UBE2F: variants seen among roughly 807,000 people sequenced by gnomAD.
The protein encoded by UBE2F is NEDD8-conjugating enzyme UBE2F.
Under a neutral mutation model 29.6 loss-of-function variants are expected in UBE2F, and 5 were observed. The observed-to-expected ratio is 0.17, with a 90% CI of 0.09 to 0.36. UBE2F has a LOEUF of 0.36. Ranked by LOEUF, UBE2F falls within the 10% of genes least tolerant of loss-of-function variation. UBE2F has a pLI of 1.00. For synonymous variants in UBE2F, 66 were observed against 81.8 expected, an observed-to-expected ratio of 0.81 and a Z score of 1.04; for missense variants, 141 against 228.5, an observed-to-expected ratio of 0.62 and a Z score of 2.47.
rs114578725 is a variant in UBE2F at position 237,996,438 on chromosome 2, A to C, written c.214+1629A>C. 1.8e-3 allele frequency among the ~76,000 whole-genome samples: 277 copies of C among 150,208 alleles called. 2 individuals are homozygous for C. Among genetic ancestry groups the C allele is most frequent in the African/African-American group, 6.4e-3 (261 of 40,894 alleles). Reference sequence around the variant, plus strand: ...ACTGTCATGTGATTGGGTTTCTGGCAAGTCTGGATAAATGTTTCTTCCCCG... The same window carrying C: ...ACTGTCATGTGATTGGGTTTCTGGCCAGTCTGGATAAATGTTTCTTCCCCG... On this transcript the variant is annotated intron_variant, in intron 4 of 9. Transcript: ENST00000272930.
At chr2:237,985,015 T>C (rs976252631) in intron 2 of UBE2F, among the ~76,000 whole-genome samples, 6 of 126,170 alleles carry the variant, frequency 4.8e-5, no homozygotes, top group Non-Finnish European at 1.0e-4. Context: ...AAAAAAAAAA[T>C]AGAGATGGTG....
chr2:237,991,066 C>T (rs753823517), intron 3 of UBE2F, among the ~76,000 whole-genome samples: 32 of 152,122 alleles, frequency 2.1e-4, no homozygotes, highest in Non-Finnish European at 3.8e-4. Flanking sequence ...GCTTTCAAAT[C>T]AGGATTGTAA....
In UBE2F at chr2:237,967,032, G is replaced by T; in HGVS notation, c.-117G>T. The T allele has an allele frequency of 7.8e-7, 1 of 1,283,032 alleles. No individual in the cohort carries two copies. The highest frequency in any genetic ancestry group is 2.2e-5 in the South Asian group (1 of 46,412). The allele number at this position is 1,283,032 out of a possible 1,614,324, so 79.5% of individuals were successfully genotyped here. On this transcript the variant is annotated 5_prime_UTR_variant, in exon 1 of 10. Transcript: ENST00000272930. The surrounding 1 kb of genome is among the most constrained non-coding windows in gnomAD (Gnocchi z 6.3). ...CCCCGCCACTTCCGGTCCCGCCGCCGGGAGCCGGTGCGGCTGTGAGGGGCC... is the reference window on the plus strand; with the variant it reads ...CCCCGCCACTTCCGGTCCCGCCGCCTGGAGCCGGTGCGGCTGTGAGGGGCC...
Position 238,035,990 on chromosome 2 carries a change from G to A in UBE2F, c.507+50G>A, listed in dbSNP as rs771032913. 4 of 1,455,330 alleles carry A rather than the reference G, an allele frequency of 2.7e-6. No homozygotes were observed. The South Asian group carries it at 3.5e-5, about 13-fold the overall frequency. The allele number at this position is 1,455,330 out of a possible 1,614,324, so 90.2% of individuals were successfully genotyped here. A position where few individuals can be genotyped will look rare whatever the true frequency, so the allele number is the denominator to read the frequency against. ...AGGTTGATGTACTTGTCACGAACAC[G>A]ATTACTACTGTCTCTTGATTGGATA... On this transcript the variant is annotated intron_variant, in intron 9 of 9. Transcript: ENST00000272930.
intron 5 of UBE2F, among the ~76,000 whole-genome samples, chr2:238,023,450 A>C (rs927060722): frequency 6.6e-6 from 1 of 152,218 alleles, no homozygotes; most frequent in African/African-American, 2.4e-5. Context: ...ATTAGGAAGA[A>C]TGCTCATTAT....
At chr2:237,997,510 C>T (rs903668026) in intron 4 of UBE2F, among the ~76,000 whole-genome samples, 8 of 152,126 alleles carry the variant, frequency 5.3e-5, no homozygotes, top group African/African-American at 1.7e-4. Flanking sequence ...GAATCCTGCT[C>T]CTCTTCATAT....
At chr2:237,994,255 C>A (rs1285605223) in intron 3 of UBE2F, among the ~76,000 whole-genome samples, 1 of 151,900 alleles carries the variant, frequency 6.6e-6, no homozygotes, top group Non-Finnish European at 1.5e-5. Context: ...GGATTACAGG[C>A]GTAAGCCACC....
chr2:237,975,658 A>C (rs75603746), intron 2 of UBE2F, among the ~76,000 whole-genome samples: 5,339 of 152,182 alleles, frequency 0.035, 284 homozygotes, highest in East Asian at 0.2. Context: ...GTGGGGACTT[A>C]ACAGTGTCCT....
intron 2 of UBE2F, among the ~76,000 whole-genome samples, chr2:237,978,899 A>G (rs543535840): frequency 1.2e-4 from 18 of 152,178 alleles, no homozygotes; most frequent in African/African-American, 4.1e-4. Context: ...CTACCCCCCA[A>G]ACACCCCTCA....
rs147701296 is a variant in UBE2F at position 237,981,829 on chromosome 2, G to A, written c.119-6134G>A. Among the ~76,000 whole-genome samples the A allele has an allele frequency of 4.1e-3, 624 of 151,908 alleles. 5 individuals are homozygous for A. The highest frequency in any genetic ancestry group is 0.014 in the African/African-American group (591 of 41,400). ...TTTTGTAGAGACAAGGTTTCGCCACGTTGCCCAGGCTGGTCTCAAACTCCT... is the reference window on the plus strand; with the variant it reads ...TTTTGTAGAGACAAGGTTTCGCCACATTGCCCAGGCTGGTCTCAAACTCCT... On this transcript the variant is annotated intron_variant, in intron 2 of 9. Transcript: ENST00000272930.
At chr2:237,968,822 T>G (rs545175369) in intron 1 of UBE2F, 1 of 984,670 alleles carries the variant, frequency 1.0e-6, no homozygotes, top group African/African-American at 1.7e-5. Flanking sequence ...AGAGCGTAAT[T>G]TGCAGGAAAG....
intron 9 of UBE2F, among the ~76,000 whole-genome samples, chr2:238,039,458 G>C (rs1434174843): frequency 2.6e-5 from 4 of 152,182 alleles, no homozygotes; most frequent in African/African-American, 9.7e-5. Flanking sequence ...GGAATAGTAG[G>C]AGCCAGGCAC....
intron 6 of UBE2F, among the ~76,000 whole-genome samples, chr2:238,026,085 A>G (rs184601031): frequency 6.6e-6 from 1 of 152,310 alleles, no homozygotes; most frequent in East Asian, 1.9e-4. Context: ...TCATCACTTT[A>G]AGGCAGCAAG....
At chr2:237,997,100 G>T (rs1392337994) in intron 4 of UBE2F, among the ~76,000 whole-genome samples, 1 of 152,012 alleles carries the variant, frequency 6.6e-6, no homozygotes, top group Non-Finnish European at 1.5e-5. Context: ...GGTGGTGCGT[G>T]CCTGTAATCC....
chr2:238,031,789 G>A (rs1449516321), intron 7 of UBE2F, among the ~76,000 whole-genome samples: 1 of 152,140 alleles, frequency 6.6e-6, no homozygotes, highest in East Asian at 1.9e-4. Flanking sequence ...TAGGATGAGG[G>A]GTAATTAACT....
chr2:237,997,590 A>G (rs777256595), intron 4 of UBE2F, among the ~76,000 whole-genome samples: 1 of 152,226 alleles, frequency 6.6e-6, no homozygotes, highest in Non-Finnish European at 1.5e-5. Context: ...ATGATTTTGA[A>G]ATGGACTCAT....
chr2:238,005,605 G>T (rs201392660), intron 4 of UBE2F, among the ~76,000 whole-genome samples: 11 of 149,082 alleles, frequency 7.4e-5, no homozygotes, highest in African/African-American at 2.0e-4. Context: ...TAGTTTTCTG[G>T]TTTTTTTTTT....
chr2:237,996,625 G>A (rs377088541), intron 4 of UBE2F, among the ~76,000 whole-genome samples: 5 of 151,992 alleles, frequency 3.3e-5, no homozygotes, highest in East Asian at 3.9e-4. Flanking sequence ...ACAGGCATGC[G>A]CCACCATGCC....
Position 238,028,221 on chromosome 2 carries a change from G to A in UBE2F, c.354-2335G>A, listed in dbSNP as rs143611595. ...GCCACCACATGCTGGGGCCGGCCTT[G>A]CCTCCCCATTACCTGCCCCAGCCAG... On this transcript the variant is annotated intron_variant, in intron 6 of 9. Transcript: ENST00000272930. Among the ~76,000 whole-genome samples, 930 of 152,316 alleles carry A rather than the reference G, an allele frequency of 6.1e-3. 17 individuals are homozygous for A. Among genetic ancestry groups the A allele is most frequent in the African/African-American group, 0.021 (870 of 41,556 alleles).
Sources: allele counts gnomAD v4.1 joint callset (sites outside exome capture counted in the v4.1 genomes callset), GRCh38; gene constraint gnomAD v4.1.1; non-coding constraint Gnocchi (gnomAD v3.1); transcripts MANE v1.5; gene names NCBI Gene and HGNC (gene_info 2026-07-23, HGNC 2026-07-21).